GABRB1: variants seen among roughly 807,000 people sequenced by gnomAD.
GABRB1 encodes the protein gamma-aminobutyric acid type A receptor subunit beta1.
A neutral mutation model predicts 51.6 loss-of-function variants in GABRB1; 17 were observed. The ratio of observed to expected loss-of-function variants is 0.33; its 90% CI spans 0.23 to 0.49. The LOEUF is 0.49. Ranked by LOEUF, GABRB1 falls within the 20% of genes least tolerant of loss-of-function variation. The probability of loss-of-function intolerance (pLI) is 0.99; values close to 1 mark genes in which losing one functional copy is unlikely to be tolerated. For synonymous variants in GABRB1, 247 were observed against 218.9 expected, an observed-to-expected ratio of 1.13 and a Z score of -1.14; for missense variants, 410 against 600.6, an observed-to-expected ratio of 0.68 and a Z score of 3.32.
chr4:47,032,560 TTTCATTGGCGGTCACC>T (rs1357186030), intron 3 of GABRB1, 76 bp downstream of exon 3: 2 of 1,428,608 alleles, frequency 1.4e-6, no homozygotes, highest in Non-Finnish European at 2.0e-6. Context: ...GCCCTCTGCG[TTTCATTGGCGGTCACC>T]TCGCCCCTGG....
chr4:47,153,328 C>T (rs1239798288), intron 3 of GABRB1, among the ~76,000 whole-genome samples: 1 of 152,024 alleles, frequency 6.6e-6, no homozygotes, highest in East Asian at 1.9e-4. Flanking sequence ...TCAGGCTCAA[C>T]ATTTAACTAT....
At chr4:47,143,401 C>A (rs942779124) in intron 3 of GABRB1, among the ~76,000 whole-genome samples, 22 of 151,690 alleles carry the variant, frequency 1.5e-4, no homozygotes, top group African/African-American at 5.1e-4. Context: ...CATTCCGTCC[C>A]AAAATGTCAA....
intron 1 of GABRB1, among the ~76,000 whole-genome samples, chr4:47,022,310 T>C (rs543697271): frequency 1.3e-5 from 2 of 152,194 alleles, no homozygotes; most frequent in South Asian, 4.1e-4. Flanking sequence ...GATTTTATAG[T>C]GCCAACACAA....
Position 47,048,154 on chromosome 4 carries a change from T to C in GABRB1, c.240+15670T>C, listed in dbSNP as rs139191632. 8.0e-4 allele frequency among the ~76,000 whole-genome samples: 122 copies of C among 152,226 alleles called. 1 individual carries two copies. Among genetic ancestry groups the C allele is most frequent in the Non-Finnish European group, 1.4e-3 (92 of 67,998 alleles). Reference sequence around the variant, plus strand: ...AAATGATCCATCATAGCTTCAAAAATCCCCACATTGTAATCACCTTTTTAG... The same window carrying C: ...AAATGATCCATCATAGCTTCAAAAACCCCCACATTGTAATCACCTTTTTAG... On this transcript the variant is annotated intron_variant, in intron 3 of 8. Coordinates refer to ENST00000295454, the MANE Select transcript of GABRB1 (RefSeq NM_000812.4).
intron 3 of GABRB1, among the ~76,000 whole-genome samples, chr4:47,070,095 G>T (rs1357502748): frequency 6.6e-6 from 1 of 151,972 alleles, no homozygotes; most frequent in African/African-American, 2.4e-5. Flanking sequence ...GAGTGCAGTG[G>T]CATGATCTCG....
At chr4:47,114,280 G>T (rs1327827584) in intron 3 of GABRB1, among the ~76,000 whole-genome samples, 1 of 152,138 alleles carries the variant, frequency 6.6e-6, no homozygotes, top group Non-Finnish European at 1.5e-5. Flanking sequence ...CTGAATGCAC[G>T]CAGGGTTTGA....
At chr4:47,032,814 G>T (rs1212882985) in intron 3 of GABRB1, 4 of 511,050 alleles carry the variant, frequency 7.8e-6, no homozygotes, top group Non-Finnish European at 1.6e-5. Flanking sequence ...GGCACCATCT[G>T]CTGGCAGCCG....
At chr4:47,030,586 A>C (rs932344640), upstream of GABRB1, among the ~76,000 whole-genome samples, 1 of 152,200 alleles carries the variant, frequency 6.6e-6, no homozygotes, top group Non-Finnish European at 1.5e-5. Context: ...AATTTAATAT[A>C]TACTATTTAA....
chr4:47,172,425 C>A (rs1312750954), intron 4 of GABRB1, among the ~76,000 whole-genome samples: 1 of 152,072 alleles, frequency 6.6e-6, no homozygotes, highest in South Asian at 2.1e-4. Flanking sequence ...AGTGGTTCAA[C>A]TCACAAAACA....
At chr4:47,321,736 A>G (rs904468204) in intron 5 of GABRB1, among the ~76,000 whole-genome samples, 1 of 150,534 alleles carries the variant, frequency 6.6e-6, no homozygotes, top group African/African-American at 2.5e-5. Flanking sequence ...CATACATATT[A>G]GTTGTTTGTT....
intron 4 of GABRB1, among the ~76,000 whole-genome samples, chr4:47,239,805 G>C (rs540634619): frequency 1.5e-4 from 23 of 152,264 alleles, no homozygotes; most frequent in African/African-American, 5.1e-4. Context: ...TGCAGTCGTG[G>C]GCTGGCAGCT....
At chr4:47,086,559 C>T (rs1560527524) in intron 3 of GABRB1, among the ~76,000 whole-genome samples, 1 of 152,114 alleles carries the variant, frequency 6.6e-6, no homozygotes, top group Non-Finnish European at 1.5e-5. Context: ...GAACTTAGAA[C>T]TTTATTAACA....
intron 3 of GABRB1, among the ~76,000 whole-genome samples, chr4:47,040,288 G>A (rs2109486328): frequency 6.6e-6 from 1 of 152,308 alleles, no homozygotes; most frequent in East Asian, 1.9e-4. Flanking sequence ...TGTGGAGGAT[G>A]AAGTAGAGAA....
chr4:47,004,429 C>T (rs1167048041), intron 1 of GABRB1, among the ~76,000 whole-genome samples: 4 of 151,912 alleles, frequency 2.6e-5, no homozygotes, highest in African/African-American at 9.7e-5. Flanking sequence ...TTATTAATAC[C>T]TTTTATTTTT....
intron 8 of GABRB1, among the ~76,000 whole-genome samples, chr4:47,420,107 G>C (rs146029021): frequency 6.6e-6 from 1 of 152,068 alleles, no homozygotes; most frequent in Non-Finnish European, 1.5e-5. Context: ...TTACCTCCCC[G>C]GTCACTGGAA....
chr4:47,194,563 T>C (rs933920548), intron 4 of GABRB1, among the ~76,000 whole-genome samples: 3 of 152,240 alleles, frequency 2.0e-5, no homozygotes, highest in East Asian at 1.9e-4. Context: ...TCTGTTGTTA[T>C]GGCAAATACT....
rs1577991800 is a variant in GABRB1 at position 47,195,456 on chromosome 4, TTAGATGATAGATAGATAGATAGATAGATA to T, written c.461+33988_461+34016del. ...GATAGATAGATAGATGATAGATAGA[TTAGATGATAGATAGATAGATAGATAGATA>T]GATAGATAGATAGATAGATAGAATA... On this transcript the variant is annotated intron_variant, in intron 4 of 8. Coordinates refer to ENST00000295454, the MANE Select transcript of GABRB1 (RefSeq NM_000812.4). Among the ~76,000 whole-genome samples, 525 of 89,634 alleles carry T rather than the reference TTAGATGATAGATAGATAGATAGATAGATA, an allele frequency of 5.9e-3. 2 individuals are homozygous for T. The highest frequency in any genetic ancestry group is 8.2e-3 in the Non-Finnish European group (347 of 42,506). The allele number at this position is 89,634 out of a possible 152,430, so 58.8% of individuals were successfully genotyped here. A position where few individuals can be genotyped will look rare whatever the true frequency, so the allele number is the denominator to read the frequency against.
intron 5 of GABRB1, among the ~76,000 whole-genome samples, chr4:47,333,194 T>TTA (rs1162712786): frequency 7.9e-5 from 9 of 113,216 alleles, no homozygotes; most frequent in Admixed American, 1.9e-4. Flanking sequence ...CCCATTTTAT[T>TTA]TATATATATA....
At chr4:47,390,411 T>C (rs1191276040) in intron 5 of GABRB1, among the ~76,000 whole-genome samples, 1 of 152,252 alleles carries the variant, frequency 6.6e-6, no homozygotes, top group African/African-American at 2.4e-5. Flanking sequence ...CCCCTAGCTC[T>C]ATTAAGCACA....
Sources: allele counts gnomAD v4.1 joint callset (sites outside exome capture counted in the v4.1 genomes callset), GRCh38; gene constraint gnomAD v4.1.1; transcripts MANE v1.5; gene names NCBI Gene and HGNC (gene_info 2026-07-23, HGNC 2026-07-21).